The following FCHO1 variants were observed in gnomAD, a reference collection of about 807,000 sequenced individuals.
The protein encoded by FCHO1 is FCH and mu domain containing endocytic adaptor 1.
In FCHO1, 45 loss-of-function variants were observed where a neutral mutation model predicts 114.4. The observed-to-expected ratio is 0.39, with a 90% confidence interval of 0.31 to 0.50. FCHO1 has a LOEUF of 0.50. Among genes scored for constraint, FCHO1 ranks in the 20% least tolerant of loss-of-function variants. FCHO1 has a pLI of 0.77. For missense variants in FCHO1, 1,042 were observed against 1,209.6 expected, an observed-to-expected ratio of 0.86 and a Z score of 2.06; for synonymous variants, 480 against 488.9, an observed-to-expected ratio of 0.98 and a Z score of 0.24.
Position 17,775,849 on chromosome 19 carries a change from A to T in FCHO1, c.1004-134A>T. 1.0e-6 allele frequency: 1 copy of T among 999,076 alleles called. No homozygotes were observed. Among genetic ancestry groups the T allele is most frequent in the Non-Finnish European group, 1.5e-6 (1 of 684,308 alleles). 61.9% of individuals were successfully genotyped at this position (999,076 alleles called of 1,614,324 possible). ...CTGGTGGGACATGGTGTCAGGACTG[A>T]AGGTGGCGCGTGGTGAGCGATGGGA... On this transcript the variant is annotated intron_variant, in intron 15 of 28. Coordinates refer to ENST00000596536, the MANE Select transcript of FCHO1 (RefSeq NM_015122.3). The surrounding 1 kb of genome is among the most constrained non-coding windows in gnomAD (Gnocchi z 5.1).
chr19:17,772,634 A>C lies in FCHO1; in HGVS notation c.694-11A>C, dbSNP rs1182260853. 6.2e-7 allele frequency: 1 copy of C among 1,613,824 alleles called. No homozygotes were observed. Among genetic ancestry groups the C allele is most frequent in the Non-Finnish European group, 8.5e-7 (1 of 1,179,928 alleles). ...CCTTGACCAGTTACACACCCCGCCC[A>C]CCCGGCACAGGTGCATGAGGAATTT... On this transcript the variant is annotated splice_polypyrimidine_tract_variant and intron_variant, in intron 10 of 28. Coordinates refer to ENST00000596536, the MANE Select transcript of FCHO1 (RefSeq NM_015122.3).
intron 23 of FCHO1, 42 bp from the exon 24 acceptor site, chr19:17,782,975 G>C: frequency 1.9e-6 from 3 of 1,603,232 alleles, no homozygotes; most frequent in Non-Finnish European, 2.6e-6. Flanking sequence ...GAGGCACCAG[G>C]CAGAGCCCTA....
rs1238586804 is a variant in FCHO1, at chr19:17,775,094, G to A, written c.945+14G>A. ...CCCGATTCAGGGGTGAGTGATGTGGGAGGGGTCAGGCTGGGCTACAAGTGG... is the reference window on the plus strand; with the variant it reads ...CCCGATTCAGGGGTGAGTGATGTGGAAGGGGTCAGGCTGGGCTACAAGTGG... On this transcript the variant is annotated intron_variant, in intron 14 of 28. Coordinates refer to ENST00000596536, the MANE Select transcript of FCHO1 (RefSeq NM_015122.3). This position sits in a 1 kb window ranked among gnomAD's most constrained non-coding sequence, Gnocchi z 5.1. 3.7e-6 allele frequency: 6 copies of A among 1,611,924 alleles called. No individual in the cohort carries two copies. The highest frequency in any genetic ancestry group is 1.6e-4 in the Middle Eastern group (1 of 6,062).
chr19:17,762,837 G>A lies in FCHO1; in HGVS notation c.103G>A (p.Asp35Asn). The A allele has an allele frequency of 1.2e-6, 2 of 1,613,396 alleles. No individual in the cohort carries two copies. The highest frequency in any genetic ancestry group is 1.7e-6 in the Non-Finnish European group (2 of 1,179,436). The change falls in exon 5 of 29, where the codon GAC (aspartate) becomes AAC (asparagine). Residue 35 changes from aspartate to asparagine, a missense_variant. Transcript: ENST00000596536. ...GCCCATCTCCACCAAGGAGCTGGCGGACTTCATCCGGGAGAGGTGAGGTCC... is the reference window on the plus strand; with the variant it reads ...GCCCATCTCCACCAAGGAGCTGGCGAACTTCATCCGGGAGAGGTGAGGTCC... The part of the protein sequence containing the change: ...QGPISTKELA[D>N]FIRERATIEE...
chr19:17,784,365 T>A lies in FCHO1; in HGVS notation c.2226+130T>A. 1 of 1,146,414 alleles carries A rather than the reference T, an allele frequency of 8.7e-7. No individual in the cohort carries two copies. The highest frequency in any genetic ancestry group is 1.2e-6 in the Non-Finnish European group (1 of 816,636). The allele number at this position is 1,146,414 out of a possible 1,614,324, so 71.0% of individuals were successfully genotyped here. A position where few individuals can be genotyped will look rare whatever the true frequency, so the allele number is the denominator to read the frequency against. On this transcript the variant is annotated intron_variant, in intron 25 of 28. Coordinates refer to ENST00000596536, the MANE Select transcript of FCHO1 (RefSeq NM_015122.3). This position sits in a 1 kb window ranked among gnomAD's most constrained non-coding sequence, Gnocchi z 5.3. ...TCCTGACCTCAAGAGATCCAATCTG[T>A]GAGAGCCGATGAGCTGGAGGGAGTA...
chr19:17,779,323 A>G (rs2093070321), intron 20 of FCHO1, among the ~76,000 whole-genome samples: 1 of 151,940 alleles, frequency 6.6e-6, no homozygotes, highest in Admixed American at 6.6e-5. Flanking sequence ...AGGGCTTGTG[A>G]ATGTTACCCT....
At chr19:17,782,327 C>T (rs1003954728) in intron 23 of FCHO1, among the ~76,000 whole-genome samples, 10 of 152,142 alleles carry the variant, frequency 6.6e-5, no homozygotes, top group African/African-American at 9.7e-5. Context: ...CTCAGCCTCC[C>T]GAGTAATTCT....
intron 26 of FCHO1, among the ~76,000 whole-genome samples, chr19:17,786,277 G>A (rs2093881607): frequency 6.6e-6 from 1 of 152,136 alleles, no homozygotes; most frequent in Non-Finnish European, 1.5e-5. Flanking sequence ...AGGCTGCAGT[G>A]AGCAGAGATC....
intron 24 of FCHO1, among the ~76,000 whole-genome samples, chr19:17,783,456 C>T (rs1029041977): frequency 4.0e-5 from 6 of 151,552 alleles, no homozygotes; most frequent in African/African-American, 1.5e-4. Context: ...TTAGTAGAGA[C>T]AGGGTTTCAT....
chr19:17,764,471 A>C (rs772271019), intron 6 of FCHO1, 22 bp downstream of exon 6: 1 of 1,588,268 alleles, frequency 6.3e-7, no homozygotes, highest in Non-Finnish European at 8.6e-7. Context: ...AGGGGTCACC[A>C]ACATGGGGAC....
At chr19:17,765,502 G>C (rs1485626806) in intron 6 of FCHO1, among the ~76,000 whole-genome samples, 1 of 151,878 alleles carries the variant, frequency 6.6e-6, no homozygotes, top group Admixed American at 6.6e-5. Flanking sequence ...AGAAACCCCT[G>C]TCTCTACTAA....
Position 17,786,649 on chromosome 19 carries a change from G to GTTTT in FCHO1, c.2482+20_2482+21insTTTT. ...CAGGCGGTGAGCTGTGGTTGTGTAT[G>GTTTT]AGGGCTGGGTGGGAGGGACTGGGGT... On this transcript the variant is annotated intron_variant, in intron 27 of 28. Transcript: ENST00000596536. 1 of 1,586,260 alleles carries GTTTT rather than the reference G, an allele frequency of 6.3e-7. No individual in the cohort carries two copies. Among genetic ancestry groups the GTTTT allele is most frequent in the Non-Finnish European group, 8.6e-7 (1 of 1,157,614 alleles).
chr19:17,783,134 T>C lies in FCHO1; in HGVS notation c.2055T>C (p.Ala685=). The C allele has an allele frequency of 6.2e-7, 1 of 1,614,182 alleles. No homozygotes were observed. The highest frequency in any genetic ancestry group is 1.1e-5 in the South Asian group (1 of 91,076). ...GCTTCCGGCTTGTACACACAACCGC[T>C]ATTGAGCACTTCCAGCCCAACGCCG... The part of the protein sequence containing the change: ...VLSFRLVHTT[A]IEHFQPNADL... Residue 685 remains alanine, a synonymous_variant, in exon 24 of 29, where the codon GCT becomes GCC. Transcript: ENST00000596536.
chr19:17,763,705 G>T (rs1344778619), intron 5 of FCHO1, among the ~76,000 whole-genome samples: 1 of 151,394 alleles, frequency 6.6e-6, no homozygotes, highest in Non-Finnish European at 1.5e-5. Flanking sequence ...CTACAGGCAT[G>T]CACCACCACA....
chr19:17,756,914 C>T (rs550199844), intron 4 of FCHO1, among the ~76,000 whole-genome samples: 4 of 152,148 alleles, frequency 2.6e-5, no homozygotes, highest in South Asian at 2.1e-4. Context: ...CTTGGCTGGG[C>T]GCAGTGGCTC....
At chr19:17,749,354 T>C (rs954756234), upstream of FCHO1, among the ~76,000 whole-genome samples, 2 of 152,078 alleles carry the variant, frequency 1.3e-5, no homozygotes, top group Non-Finnish European at 2.9e-5. Flanking sequence ...TCTGGGAAGA[T>C]GGGAGGAGTC....
intron 28 of FCHO1, 109 bp from the exon 29 acceptor site, chr19:17,788,175 G>C: frequency 1.2e-6 from 1 of 844,822 alleles, no homozygotes. Flanking sequence ...GAGTTACAGG[G>C]GTGTTTTGAA....
chr19:17,788,271 T>G lies in FCHO1; in HGVS notation c.2648-13T>G. 2 of 880,532 alleles carry G rather than the reference T, an allele frequency of 2.3e-6. No homozygotes were observed. The highest frequency in any genetic ancestry group is 3.1e-6 in the Non-Finnish European group (2 of 635,096). The allele number at this position is 880,532 out of a possible 1,614,324, so 54.5% of individuals were successfully genotyped here. A position where few individuals can be genotyped will look rare whatever the true frequency, so the allele number is the denominator to read the frequency against. ...CCTCCCCACCCCTCCCCCTCACAGC[T>G]GCACCCCCACAGGGATGTACCTGGT... On this transcript the variant is annotated splice_polypyrimidine_tract_variant and intron_variant, in intron 28 of 28. Transcript: ENST00000596536.
intron 5 of FCHO1, 34 bp downstream of exon 5, chr19:17,762,887 C>T: frequency 3.5e-6 from 5 of 1,431,148 alleles, no homozygotes; most frequent in East Asian, 2.3e-5. Flanking sequence ...CCAGAGGCCA[C>T]GCCCACCATC....
Sources: gnomAD v4.1 joint callset for allele counts (sites outside exome capture counted in the v4.1 genomes callset) on GRCh38, gnomAD v4.1.1 for gene constraint, Gnocchi (gnomAD v3.1) non-coding constraint, MANE v1.5 for transcripts, NCBI Gene and HGNC (gene_info 2026-07-23, HGNC 2026-07-21) for gene names.